The following UVSSA variants were observed in gnomAD, a reference collection of about 807,000 sequenced individuals.
The protein encoded by UVSSA is UV stimulated scaffold protein A.
A neutral mutation model predicts 73.9 loss-of-function variants in UVSSA; 72 were observed. The ratio of observed to expected loss-of-function variants is 0.97; its 90% CI spans 0.81 to 1.19. The LOEUF (loss-of-function observed/expected upper bound fraction) is 1.19. UVSSA is among the 50% of genes most tolerant of loss of function. UVSSA has a pLI of 0.00. For synonymous variants in UVSSA, 454 were observed against 391.3 expected (o/e 1.16, Z -1.89); for missense variants, 1,150 against 965.0 (o/e 1.19, Z -2.54).
At chr4:1,350,346 C>T (rs981590523) in intron 3 of UVSSA, among the ~76,000 whole-genome samples, 2 of 152,172 alleles carry the variant, frequency 1.3e-5, no homozygotes, top group Admixed American at 6.5e-5. Context: ...CCTACCGTGC[C>T]CCTTACCCCA....
chr4:1,371,850 G>T (rs1204594095), intron 8 of UVSSA, among the ~76,000 whole-genome samples: 1 of 152,168 alleles, frequency 6.6e-6, no homozygotes, highest in African/African-American at 2.4e-5. Context: ...AAATCTCACG[G>T]CATCTCTTAG....
In UVSSA at chr4:1,385,981, T is replaced by TG. The variant is rs773869799; in HGVS notation, c.*22dup. 1.9e-6 allele frequency: 3 copies of TG among 1,611,932 alleles called. No homozygotes were observed. In the East Asian group the frequency reaches 6.7e-5, roughly 36 times the overall value. On this transcript the variant is annotated 3_prime_UTR_variant, in exon 14 of 14. Coordinates refer to ENST00000389851, the MANE Select transcript of UVSSA (RefSeq NM_020894.4). ...AACTAGAGAGCGGGGCCCAGTGCAC[T>TG]GGCCATCAGCACTTTCTCCCTCTGC...
At chr4:1,372,878 T>TCC in intron 8 of UVSSA, among the ~76,000 whole-genome samples, 1 of 129,606 alleles carries the variant, frequency 7.7e-6, no homozygotes, top group Non-Finnish European at 1.6e-5. Context: ...ACCTCCCGCG[T>TCC]CTCAGGGCAC....
intron 3 of UVSSA, 27 bp downstream of exon 3, chr4:1,349,881 G>T: frequency 6.7e-7 from 1 of 1,502,852 alleles, no homozygotes; most frequent in Admixed American, 2.3e-5. Flanking sequence ...CATTTTTTCA[G>T]AGACTGGTTA....
At chr4:1,350,353 C>T (rs1406489018) in intron 3 of UVSSA, among the ~76,000 whole-genome samples, 2 of 152,148 alleles carry the variant, frequency 1.3e-5, no homozygotes, top group Admixed American at 6.5e-5. Context: ...TGCCCCTTAC[C>T]CCACCTGCCA....
Position 1,386,140 on chromosome 4 carries a change from C to A in UVSSA, c.*179C>A. 1 of 686,306 alleles carries A rather than the reference C, an allele frequency of 1.5e-6. No individual in the cohort carries two copies. Among genetic ancestry groups the A allele is most frequent in the Non-Finnish European group, 2.5e-6 (1 of 405,892 alleles). The allele number at this position is 686,306 out of a possible 1,614,324, so 42.5% of individuals were successfully genotyped here. A position where few individuals can be genotyped will look rare whatever the true frequency, so the allele number is the denominator to read the frequency against. ...GCCGCTCTGCTGCTACAGGGTTCGG[C>A]ATCGTCTGGTGATGGGTCTGGCCTC... On this transcript the variant is annotated 3_prime_UTR_variant, in exon 14 of 14. Transcript: ENST00000389851.
chr4:1,361,007 C>T (rs1039520730), intron 7 of UVSSA, among the ~76,000 whole-genome samples: 2 of 152,204 alleles, frequency 1.3e-5, no homozygotes, highest in African/African-American at 2.4e-5. Context: ...GAGAAGAGGC[C>T]GCCCTGGCCC....
chr4:1,363,523 C>T (rs1194445170), intron 7 of UVSSA, among the ~76,000 whole-genome samples: 1 of 152,200 alleles, frequency 6.6e-6, no homozygotes, highest in Non-Finnish European at 1.5e-5. Context: ...TGCATTGTAG[C>T]ACCCGGTCCA....
At chr4:1,375,189 C>A in intron 8 of UVSSA, 175 bp from the exon 9 acceptor site, 2 of 1,043,464 alleles carry the variant, frequency 1.9e-6, no homozygotes, top group Non-Finnish European at 2.8e-6. Flanking sequence ...GTGGCCTGAG[C>A]TGCTGCTCCG....
chr4:1,394,262 T>C (rs762631050), exon 14 of UVSSA: 2 of 751,280 alleles, frequency 2.7e-6, no homozygotes, highest in Non-Finnish European at 4.2e-6. Flanking sequence ...GTTCCTCAGA[T>C]CTTCCTTTCA....
chr4:1,386,707 T>C lies in UVSSA; in HGVS notation c.*746T>C, dbSNP rs1178715064. The C allele has an allele frequency of 2.7e-5, 3 of 109,610 alleles. No individual in the cohort carries two copies. Among genetic ancestry groups the C allele is most frequent in the Non-Finnish European group, 5.3e-5 (3 of 56,776 alleles). 6.8% of individuals were successfully genotyped at this position (109,610 alleles called of 1,614,324 possible). A position where few individuals can be genotyped will look rare whatever the true frequency, so the allele number is the denominator to read the frequency against. On this transcript the variant is annotated 3_prime_UTR_variant, in exon 14 of 14. Coordinates refer to ENST00000389851, the MANE Select transcript of UVSSA (RefSeq NM_020894.4). ...TTTAATTGAATGATTTATCTTGAGT[T>C]GTAACAGTTGTTTTTTTTGTTTTTC...
intron 12 of UVSSA, among the ~76,000 whole-genome samples, chr4:1,382,458 T>C (rs1441050648): frequency 2.6e-5 from 4 of 152,248 alleles, no homozygotes; most frequent in Admixed American, 2.6e-4. Context: ...TGCGTGCTGC[T>C]GCAGGGCCCG....
exon 14 of UVSSA, chr4:1,394,530 T>G: frequency 6.7e-7 from 1 of 1,489,326 alleles, no homozygotes; most frequent in East Asian, 2.3e-5. Flanking sequence ...GCCCTCGCTT[T>G]GTGCCAATGT....
At chr4:1,352,522 G>A (rs947261410) in intron 4 of UVSSA, among the ~76,000 whole-genome samples, 6 of 152,240 alleles carry the variant, frequency 3.9e-5, no homozygotes, top group African/African-American at 1.2e-4. Context: ...TTGCCCTAGG[G>A]AAGAGGTGCA....
chr4:1,348,048 A>G (rs1178509914), intron 1 of UVSSA, 42 bp from the exon 2 acceptor site: 2 of 1,499,792 alleles, frequency 1.3e-6, no homozygotes, highest in South Asian at 1.1e-5. Context: ...GAGCTATAAA[A>G]TACAGATGGT....
intron 2 of UVSSA, 66 bp from the exon 3 acceptor site, chr4:1,349,458 G>A (rs904720827): frequency 3.8e-5 from 58 of 1,512,724 alleles, no homozygotes; most frequent in Non-Finnish European, 4.7e-5. Flanking sequence ...ATCCATGCAC[G>A]GAGAGTCTCC....
At chr4:1,343,417 G>A (rs541385903), upstream of UVSSA, among the ~76,000 whole-genome samples, 11 of 152,056 alleles carry the variant, frequency 7.2e-5, no homozygotes, top group African/African-American at 2.4e-4. Flanking sequence ...CTTCGACATA[G>A]GAATTTGGTA....
rs748069694 is a variant in UVSSA, at chr4:1,375,387, GAC to G, written c.1316_1317del (p.Thr439SerfsTer86). 4 of 1,613,660 alleles carry G rather than the reference GAC, an allele frequency of 2.5e-6. No homozygotes were observed. The highest frequency in any genetic ancestry group is 3.4e-6 in the Non-Finnish European group (4 of 1,180,008). ...AGGGCTGGAGGCAGCACCAGAGAAA[GAC>G]ACAGTTGTGCGGTGCTTGCGGACGA... ...EYGLEAAPEK[D>X]TVVRCLRTRT... On this transcript the variant is annotated frameshift_variant, in exon 9 of 14. Coordinates refer to ENST00000389851, the MANE Select transcript of UVSSA (RefSeq NM_020894.4). LOFTEE classifies it high-confidence loss of function.
At chr4:1,370,938 G>T (rs1717952657) in intron 8 of UVSSA, among the ~76,000 whole-genome samples, 1 of 152,210 alleles carries the variant, frequency 6.6e-6, no homozygotes, top group Non-Finnish European at 1.5e-5. Context: ...AAGGCCCTTT[G>T]TCCTTACCCA....
Sources: gnomAD v4.1 joint callset for allele counts (sites outside exome capture counted in the v4.1 genomes callset) on GRCh38, gnomAD v4.1.1 for gene constraint, MANE v1.5 for transcripts, NCBI Gene and HGNC (gene_info 2026-07-23, HGNC 2026-07-21) for gene names.